The following SLMAP variants were observed in gnomAD, a reference collection of about 807,000 sequenced individuals.
SLMAP encodes sarcolemma associated protein.
SLMAP carries 44 observed loss-of-function variants against 128.8 expected under a neutral mutation model. The observed-to-expected ratio is 0.34, with a 90% CI of 0.27 to 0.44. SLMAP has a LOEUF of 0.44. Ranked by LOEUF, SLMAP falls within the 20% of genes least tolerant of loss-of-function variation. The pLI, the probability that SLMAP is intolerant of heterozygous loss-of-function variation, is 1.00. For missense variants in SLMAP, 787 were observed against 985.3 expected (o/e 0.80, Z 2.69); for synonymous variants, 327 against 348.8 (o/e 0.94, Z 0.70).
At chr3:57,817,014 G>C (rs1162014821) in intron 2 of SLMAP, among the ~76,000 whole-genome samples, 1 of 152,136 alleles carries the variant, frequency 6.6e-6, no homozygotes, top group African/African-American at 2.4e-5. Context: ...GGGTGATTAG[G>C]GTCATTTTGA....
intron 2 of SLMAP, among the ~76,000 whole-genome samples, chr3:57,780,809 A>G (rs2082882344): frequency 6.6e-6 from 1 of 151,080 alleles, no homozygotes; most frequent in Admixed American, 6.6e-5. Context: ...ATGCTTGGCT[A>G]ATTTTTAATT....
At chr3:57,885,629 G>A (rs898158959) in intron 14 of SLMAP, among the ~76,000 whole-genome samples, 1 of 150,848 alleles carries the variant, frequency 6.6e-6, no homozygotes, top group African/African-American at 2.4e-5. Flanking sequence ...ACGTTGGTCA[G>A]GCTGGTCTCA....
chr3:57,906,016 C>T (rs1321408803), intron 17 of SLMAP, among the ~76,000 whole-genome samples: 2 of 135,868 alleles, frequency 1.5e-5, no homozygotes, highest in South Asian at 2.3e-4. Flanking sequence ...ATGTAAGATG[C>T]AAGCATCATG....
At chr3:57,857,972 G>T in intron 7 of SLMAP, 116 bp from the exon 8 acceptor site, 1 of 913,618 alleles carries the variant, frequency 1.1e-6, no homozygotes, top group East Asian at 2.4e-5. Context: ...ATTTTACAGT[G>T]GATGCTGGTC....
At chr3:57,919,243 T>C (rs1172569527) in intron 22 of SLMAP, among the ~76,000 whole-genome samples, 3 of 152,014 alleles carry the variant, frequency 2.0e-5, no homozygotes, top group Non-Finnish European at 4.4e-5. Flanking sequence ...TAGCCAGGCA[T>C]GATGGCATGC....
chr3:57,883,989 T>C (rs1366485221), intron 14 of SLMAP, among the ~76,000 whole-genome samples: 1 of 149,686 alleles, frequency 6.7e-6, no homozygotes, highest in Non-Finnish European at 1.5e-5. Flanking sequence ...TGTAGTACAG[T>C]GGCATGATCT....
At chr3:57,913,883 A>G (rs1178575248) in intron 21 of SLMAP, among the ~76,000 whole-genome samples, 2 of 152,022 alleles carry the variant, frequency 1.3e-5, no homozygotes, top group Non-Finnish European at 2.9e-5. Flanking sequence ...GCTTGGGCCC[A>G]GGAGGTCAAG....
chr3:57,876,349 T>G (rs2095603340), intron 14 of SLMAP, among the ~76,000 whole-genome samples: 1 of 152,232 alleles, frequency 6.6e-6, no homozygotes. Flanking sequence ...AACAGACTTT[T>G]TAAAGAAAAA....
chr3:57,919,706 A>C (rs2153702697), intron 22 of SLMAP, among the ~76,000 whole-genome samples: 1 of 151,968 alleles, frequency 6.6e-6, no homozygotes, highest in Middle Eastern at 3.4e-3. Flanking sequence ...AGGCAGGAGA[A>C]TCGCTTTGAA....
intron 19 of SLMAP, among the ~76,000 whole-genome samples, chr3:57,910,458 A>G (rs1306099777): frequency 6.6e-6 from 1 of 152,228 alleles, no homozygotes; most frequent in East Asian, 1.9e-4. Flanking sequence ...CAGAGATTAC[A>G]GGCATGAGCC....
intron 3 of SLMAP, among the ~76,000 whole-genome samples, chr3:57,838,958 GTTGT>G (rs906118621): frequency 2.6e-5 from 4 of 151,890 alleles, no homozygotes; most frequent in African/African-American, 7.3e-5. Flanking sequence ...GTTTTTTATT[GTTGT>G]TTGTTTGTTT....
intron 20 of SLMAP, 129 bp from the exon 21 acceptor site, chr3:57,913,029 C>A (rs1386203496): frequency 9.2e-6 from 5 of 541,670 alleles, no homozygotes; most frequent in Non-Finnish European, 1.7e-5. Flanking sequence ...ATATAATTAA[C>A]CATGTAAAAT....
chr3:57,765,372 CAT>C, intron 2 of SLMAP, among the ~76,000 whole-genome samples: 1 of 151,890 alleles, frequency 6.6e-6, no homozygotes, highest in East Asian at 1.9e-4. Context: ...GCCTGGGTGA[CAT>C]AGTGAGACCC....
intron 2 of SLMAP, among the ~76,000 whole-genome samples, chr3:57,829,201 TTC>T (rs1422585930): frequency 6.6e-6 from 1 of 152,196 alleles, no homozygotes; most frequent in African/African-American, 2.4e-5. Context: ...GTACATATAT[TTC>T]TTTTTGTTTT....
At chr3:57,843,305 C>CTTTTTTTTTTTTTTTTCTTTT (rs2094037007) in intron 4 of SLMAP, among the ~76,000 whole-genome samples, 1 of 92,112 alleles carries the variant, frequency 1.1e-5, no homozygotes, top group East Asian at 3.0e-4. Flanking sequence ...CTTTCTTTTC[C>CTTTTTTTTTTTTTTTTCTTTT]TTTTTTTTTT....
intron 14 of SLMAP, among the ~76,000 whole-genome samples, chr3:57,876,252 C>T (rs765583553): frequency 6.6e-6 from 1 of 152,086 alleles, no homozygotes; most frequent in African/African-American, 2.4e-5. Context: ...TATAAGAGAA[C>T]AATTTGGTTG....
intron 2 of SLMAP, among the ~76,000 whole-genome samples, chr3:57,819,911 C>T (rs2092345826): frequency 6.6e-6 from 1 of 152,024 alleles, no homozygotes; most frequent in Non-Finnish European, 1.5e-5. Flanking sequence ...ACCATCACAC[C>T]CAGGTAGTTT....
At position 57,757,868 on chromosome 3, in the gene SLMAP, C is replaced by T. The variant is rs1217867911; in HGVS notation, c.198+19C>T. 1 of 1,611,610 alleles carries T rather than the reference C, an allele frequency of 6.2e-7. No homozygotes were observed. The highest frequency in any genetic ancestry group is 8.5e-7 in the Non-Finnish European group (1 of 1,177,902). Reference sequence around the variant, plus strand: ...GGGCAAGGTAATGTCACCACATTGTCCAGCGGCATTGTTTAACAAACTTTT... The same window carrying T: ...GGGCAAGGTAATGTCACCACATTGTTCAGCGGCATTGTTTAACAAACTTTT... On this transcript the variant is annotated intron_variant, in intron 2 of 24. Transcript: ENST00000671191.
intron 15 of SLMAP, among the ~76,000 whole-genome samples, chr3:57,894,064 TG>T (rs2096172451): frequency 6.6e-6 from 1 of 152,206 alleles, no homozygotes; most frequent in South Asian, 2.1e-4. Context: ...TTGACAGTAA[TG>T]GTTTTAGATG....
Sources: allele counts gnomAD v4.1 joint callset (sites outside exome capture counted in the v4.1 genomes callset), GRCh38; gene constraint gnomAD v4.1.1; transcripts MANE v1.5; gene names NCBI Gene and HGNC (gene_info 2026-07-23, HGNC 2026-07-21).